ZNF880: variants seen among roughly 807,000 people sequenced by gnomAD.
ZNF880 encodes zinc finger protein LOC400713.
A neutral mutation model predicts 11.8 loss-of-function variants in ZNF880; 12 were observed. The observed-to-expected ratio is 1.02, with a 90% CI of 0.65 to 1.65. The LOEUF is 1.65. Ranked by LOEUF, ZNF880 falls within the 40% of genes most tolerant of loss-of-function variation. The pLI is 0.00. For missense variants in ZNF880, 601 were observed against 673.9 expected, an observed-to-expected ratio of 0.89 and a Z score of 1.20; for synonymous variants, 210 against 232.4, an observed-to-expected ratio of 0.90 and a Z score of 0.88.
At position 52,385,337 on chromosome 19, in the gene ZNF880, G is replaced by A. The variant is rs368424455; in HGVS notation, c.*23G>A. On this transcript the variant is annotated 3_prime_UTR_variant, in exon 4 of 4. Transcript: ENST00000422689. The stretch of plus-strand genomic sequence containing the variant: ...TGAAATGTGTGTGGTAAGATCTTTA[G>A]TAATAATTCACACCTTGCACAGCAT... The A allele has an allele frequency of 3.0e-5, 47 of 1,546,086 alleles. No homozygotes were observed. The African/African-American group carries it at 6.2e-4, about 20-fold the overall frequency.
chr19:52,375,899 C>A (rs1372800806), intron 3 of ZNF880, among the ~76,000 whole-genome samples: 4 of 152,170 alleles, frequency 2.6e-5, no homozygotes, highest in Non-Finnish European at 4.4e-5. Context: ...GTCTTGAACT[C>A]CTGGCCTCAA....
chr19:52,368,788 G>A (rs1182499904), upstream of ZNF880, among the ~76,000 whole-genome samples: 1 of 151,702 alleles, frequency 6.6e-6, no homozygotes, highest in East Asian at 1.9e-4. Flanking sequence ...AAAACTTTAG[G>A]GGACAAATAA....
At chr19:52,369,368 A>G (rs1053034645), upstream of ZNF880, among the ~76,000 whole-genome samples, 4 of 107,420 alleles carry the variant, frequency 3.7e-5, no homozygotes, top group African/African-American at 1.7e-4. Flanking sequence ...TCTCCAAAAA[A>G]AAAAAAAAAA....
At chr19:52,371,047 CATGTG>C (rs1385382535) in intron 1 of ZNF880, among the ~76,000 whole-genome samples, 5 of 152,156 alleles carry the variant, frequency 3.3e-5, no homozygotes, top group East Asian at 1.9e-4. Flanking sequence ...TAAGTGTGTA[CATGTG>C]ATGTGTGTGG....
chr19:52,379,024 A>G (rs992219053), intron 3 of ZNF880, among the ~76,000 whole-genome samples: 2 of 152,170 alleles, frequency 1.3e-5, no homozygotes, highest in African/African-American at 4.8e-5. Flanking sequence ...GCAGCCAGCC[A>G]TGATGGCGTC....
chr19:52,388,282 C>CTTTTTT (rs68179783), downstream of ZNF880, among the ~76,000 whole-genome samples: 145 of 63,400 alleles, frequency 2.3e-3, 36 homozygotes, highest in African/African-American at 4.6e-3. Flanking sequence ...GCAATTTGAA[C>CTTTTTT]TTTTTTTTTT....
chr19:52,381,716 A>T (rs1024882784), intron 3 of ZNF880, among the ~76,000 whole-genome samples: 5 of 152,004 alleles, frequency 3.3e-5, no homozygotes, highest in African/African-American at 1.2e-4. Flanking sequence ...ATAGTAACAT[A>T]CTTGAATCCC....
At chr19:52,370,059 G>C in intron 1 of ZNF880, 82 bp downstream of exon 1, 4 of 1,514,488 alleles carry the variant, frequency 2.6e-6, no homozygotes, top group Non-Finnish European at 3.6e-6. Context: ...GGGTCACACA[G>C]ACCTTGAAAT....
chr19:52,372,873 G>A (rs1407984213), intron 1 of ZNF880, among the ~76,000 whole-genome samples: 2 of 133,400 alleles, frequency 1.5e-5, no homozygotes, highest in Non-Finnish European at 3.0e-5. Context: ...TCGCGCCACT[G>A]CACTCCAGCT....
upstream of ZNF880, chr19:52,367,781 G>C (rs1017412012): frequency 6.6e-6 from 1 of 152,098 alleles, no homozygotes; most frequent in Non-Finnish European, 1.5e-5. Context: ...GCCCTGTATT[G>C]TGTTTCTACA....
chr19:52,388,306 TAGGCAGA>T (rs1986950039), downstream of ZNF880, among the ~76,000 whole-genome samples: 1 of 131,088 alleles, frequency 7.6e-6, no homozygotes, highest in Non-Finnish European at 1.6e-5. Context: ...TTTTTTTTTT[TAGGCAGA>T]GTCTCTGTCA....
At chr19:52,369,190 G>T (rs1986264308), upstream of ZNF880, among the ~76,000 whole-genome samples, 1 of 151,516 alleles carries the variant, frequency 6.6e-6, no homozygotes, top group African/African-American at 2.4e-5. Flanking sequence ...GAGAAACCCT[G>T]TCTCTATTAA....
intron 3 of ZNF880, among the ~76,000 whole-genome samples, chr19:52,376,899 A>T (rs1986574737): frequency 6.6e-6 from 1 of 152,024 alleles, no homozygotes; most frequent in Non-Finnish European, 1.5e-5. Context: ...CCTTTGTCAG[A>T]TACATAGTTT....
chr19:52,384,893 G>C lies in ZNF880; in HGVS notation c.1313G>C (p.Cys438Ser), dbSNP rs755170428. Residue 438 changes from cysteine (C) to serine (S), a missense_variant, in exon 4 of 4, where the codon TGT (cysteine) becomes TCT (serine). Coordinates refer to ENST00000422689, the MANE Select transcript of ZNF880 (RefSeq NM_001145434.2). Reference sequence around the variant, plus strand: ...CACACTGGAGAGAAACCTTACAAATGTAAAGAATGTGCCAAGGTCTTCAGG... The same window carrying C: ...CACACTGGAGAGAAACCTTACAAATCTAAAGAATGTGCCAAGGTCTTCAGG... ...LIHTGEKPYK[C>S]KECAKVFRHR... 14 of 1,610,018 alleles carry C rather than the reference G, an allele frequency of 8.7e-6. No homozygotes were observed. Among genetic ancestry groups the C allele is most frequent in the African/African-American group, 1.3e-5 (1 of 74,866 alleles).
chr19:52,393,419 T>TC, the ZNF880 span, among the ~76,000 whole-genome samples: 39 of 151,822 alleles, frequency 2.6e-4, no homozygotes, highest in African/African-American at 9.4e-4. Context: ...TTCTTTTTTT[T>TC]TTTTCTGGGA....
downstream of ZNF880, among the ~76,000 whole-genome samples, chr19:52,386,076 G>T (rs1193549165): frequency 1.4e-5 from 2 of 140,570 alleles, no homozygotes; most frequent in Admixed American, 1.4e-4. Flanking sequence ...TCGGGAGGCT[G>T]AGGCAGGACA....
At chr19:52,388,111 C>T (rs1420733525), downstream of ZNF880, among the ~76,000 whole-genome samples, 2 of 106,452 alleles carry the variant, frequency 1.9e-5, 1 homozygote, top group East Asian at 5.2e-4. Flanking sequence ...AACTCCTGAC[C>T]TTGTGATCCA....
chr19:52,387,573 C>G (rs2122434969), downstream of ZNF880, among the ~76,000 whole-genome samples: 1 of 141,006 alleles, frequency 7.1e-6, no homozygotes, highest in East Asian at 2.0e-4. Flanking sequence ...TTCAGCTTCC[C>G]TAATAGCTGG....
At chr19:52,392,046 T>C in the ZNF880 span, among the ~76,000 whole-genome samples, 1 of 152,144 alleles carries the variant, frequency 6.6e-6, no homozygotes, top group African/African-American at 2.4e-5. Flanking sequence ...GAGTTAGCAT[T>C]AGATCTCACA....
Sources: gnomAD v4.1 joint callset for allele counts (sites outside exome capture counted in the v4.1 genomes callset) on GRCh38, gnomAD v4.1.1 for gene constraint, MANE v1.5 for transcripts, NCBI Gene and HGNC (gene_info 2026-07-23, HGNC 2026-07-21) for gene names.